PDE3A: variants seen among roughly 807,000 people sequenced by gnomAD.
PDE3A encodes the protein cGMP-inhibited 3',5'-cyclic phosphodiesterase 3A.
Under a neutral mutation model 98.3 loss-of-function variants are expected in PDE3A, and 43 were observed. That is an observed-to-expected ratio of 0.44 (90% CI 0.34 to 0.56). The LOEUF is 0.56. PDE3A is among the 20% of genes least tolerant of loss of function. PDE3A has a pLI of 0.01. For synonymous variants in PDE3A, 663 were observed against 567.9 expected, an observed-to-expected ratio of 1.17 and a Z score of -2.38; for missense variants, 1,427 against 1,440.7, an observed-to-expected ratio of 0.99 and a Z score of 0.15.
At chr12:20,529,962 A>G (rs1239660791) in intron 1 of PDE3A, among the ~76,000 whole-genome samples, 1 of 152,192 alleles carries the variant, frequency 6.6e-6, no homozygotes, top group Non-Finnish European at 1.5e-5. Context: ...CTTTTGCTGT[A>G]AAGATAAATG....
intron 15 of PDE3A, among the ~76,000 whole-genome samples, chr12:20,675,603 G>A (rs778556174): frequency 1.3e-5 from 2 of 152,110 alleles, no homozygotes; most frequent in Admixed American, 6.6e-5. Context: ...CTGCTTCTCA[G>A]CCTTTTGGCT....
At chr12:20,558,237 GT>G (rs948257888) in intron 2 of PDE3A, among the ~76,000 whole-genome samples, 1 of 151,344 alleles carries the variant, frequency 6.6e-6, no homozygotes, top group East Asian at 1.9e-4. Context: ...GTACAGTATG[GT>G]TTTTGTTAAC....
Position 20,683,263 on chromosome 12 carries a change from T to C in PDE3A, c.*2992T>C, listed in dbSNP as rs1945845839. On this transcript the variant is annotated 3_prime_UTR_variant, in exon 16 of 16. Transcript: ENST00000359062. ...CCCCTTTTTGGTGACAGCAATATTA[T>C]TATGTTCACATCTAACTCCAGAGCT... 1 of 152,280 alleles carries C rather than the reference T, an allele frequency of 6.6e-6. No homozygotes were observed. The highest frequency in any genetic ancestry group is 2.4e-5 in the African/African-American group (1 of 41,564). 9.4% of individuals were successfully genotyped at this position (152,280 alleles called of 1,614,324 possible). A position where few individuals can be genotyped will look rare whatever the true frequency, so the allele number is the denominator to read the frequency against.
intron 2 of PDE3A, among the ~76,000 whole-genome samples, chr12:20,595,424 A>G (rs572096623): frequency 1.3e-5 from 2 of 152,296 alleles, no homozygotes; most frequent in Admixed American, 6.5e-5. Context: ...CAATCATGAT[A>G]GCCACTGCAT....
At chr12:20,376,499 G>A (rs1316063500) in intron 1 of PDE3A, among the ~76,000 whole-genome samples, 1 of 151,894 alleles carries the variant, frequency 6.6e-6, no homozygotes, top group Non-Finnish European at 1.5e-5. Context: ...GTTAATACCA[G>A]GTAGCCTCTG....
At chr12:20,498,561 CAT>C (rs1945966161) in intron 1 of PDE3A, among the ~76,000 whole-genome samples, 1 of 152,048 alleles carries the variant, frequency 6.6e-6, no homozygotes, top group Admixed American at 6.6e-5. Context: ...AATACTATAC[CAT>C]TTTATATCAG....
chr12:20,563,460 G>A (rs1424837990), intron 2 of PDE3A, among the ~76,000 whole-genome samples: 5 of 152,006 alleles, frequency 3.3e-5, no homozygotes, highest in African/African-American at 9.7e-5. Context: ...TCAAATGTCC[G>A]ACATGTTACC....
intron 1 of PDE3A, among the ~76,000 whole-genome samples, chr12:20,522,348 G>T (rs1160435318): frequency 6.6e-6 from 1 of 152,162 alleles, no homozygotes; most frequent in African/African-American, 2.4e-5. Flanking sequence ...CAAGTCCCCG[G>T]CCTAGACCTA....
chr12:20,516,440 G>A (rs1946325066), intron 1 of PDE3A, among the ~76,000 whole-genome samples: 1 of 152,158 alleles, frequency 6.6e-6, no homozygotes, highest in African/African-American at 2.4e-5. Flanking sequence ...TACACGACCA[G>A]TTCTACTTCA....
chr12:20,598,482 C>T lies in PDE3A; in HGVS notation c.1012-14961C>T, dbSNP rs1028592580. Among the ~76,000 whole-genome samples, 7 of 152,206 alleles carry T rather than the reference C, an allele frequency of 4.6e-5. 1 individual carries two copies. The South Asian group carries it at 1.2e-3, about 27-fold the overall frequency. ...GCGTGAGCTACCACACCAGGCCCTA[C>T]TGACTTTTAAAATACATTTATGAGG... On this transcript the variant is annotated intron_variant, in intron 2 of 15. Transcript: ENST00000359062.
chr12:20,662,011 A>T (rs568166371), intron 15 of PDE3A, among the ~76,000 whole-genome samples: 6 of 152,324 alleles, frequency 3.9e-5, no homozygotes, highest in African/African-American at 1.4e-4. Context: ...AGCATCCATG[A>T]GGGAGGCTGT....
At chr12:20,634,456 G>T (rs972569067) in intron 7 of PDE3A, among the ~76,000 whole-genome samples, 4 of 152,116 alleles carry the variant, frequency 2.6e-5, no homozygotes, top group Non-Finnish European at 5.9e-5. Flanking sequence ...GGATACATAG[G>T]ATTGCCCATG....
chr12:20,426,987 G>A (rs994029337), intron 1 of PDE3A, among the ~76,000 whole-genome samples: 5 of 152,150 alleles, frequency 3.3e-5, no homozygotes, highest in African/African-American at 1.2e-4. Context: ...TCTAAGAAAG[G>A]AGCTAAAAGT....
chr12:20,398,037 G>T (rs901125671), intron 1 of PDE3A, among the ~76,000 whole-genome samples: 1 of 143,370 alleles, frequency 7.0e-6, no homozygotes, highest in African/African-American at 2.7e-5. Flanking sequence ...GAGAATGACA[G>T]GTTTTTTTTT....
chr12:20,664,581 T>G lies in PDE3A; in HGVS notation c.3184+10376T>G, dbSNP rs1055003863. On this transcript the variant is annotated intron_variant, in intron 15 of 15. Coordinates refer to ENST00000359062, the MANE Select transcript of PDE3A (RefSeq NM_000921.5). ...GTGGAAAGGACCCAATGGGAGACAC[T>G]TGAATCATGAGGGCAGTTTCCCCCA... Among the ~76,000 whole-genome samples the G allele has an allele frequency of 5.3e-4, 81 of 152,326 alleles. 1 individual carries two copies. The highest frequency in any genetic ancestry group is 1.9e-3 in the African/African-American group (80 of 41,582).
chr12:20,532,923 G>T (rs535404549), intron 1 of PDE3A, among the ~76,000 whole-genome samples: 6 of 152,044 alleles, frequency 3.9e-5, no homozygotes, highest in African/African-American at 1.4e-4. Context: ...TGATCCGCCC[G>T]CCTCGGCCTC....
At chr12:20,483,097 A>C (rs972523832) in intron 1 of PDE3A, among the ~76,000 whole-genome samples, 1 of 152,092 alleles carries the variant, frequency 6.6e-6, no homozygotes, top group African/African-American at 2.4e-5. Flanking sequence ...TCATCTCAAA[A>C]CTTCTAAAAG....
chr12:20,383,182 C>T (rs979119302), intron 1 of PDE3A, among the ~76,000 whole-genome samples: 1 of 151,856 alleles, frequency 6.6e-6, no homozygotes, highest in African/African-American at 2.4e-5. Context: ...GTAGTGTGTC[C>T]TATAACCCCA....
chr12:20,441,578 A>C (rs553845331), intron 1 of PDE3A, among the ~76,000 whole-genome samples: 1 of 152,332 alleles, frequency 6.6e-6, no homozygotes, highest in Non-Finnish European at 1.5e-5. Flanking sequence ...AATTTAGGAC[A>C]TGATACAACT....
Sources: gnomAD v4.1 joint callset for allele counts (sites outside exome capture counted in the v4.1 genomes callset) on GRCh38, gnomAD v4.1.1 for gene constraint, MANE v1.5 for transcripts, NCBI Gene and HGNC (gene_info 2026-07-23, HGNC 2026-07-21) for gene names.